ZNF462: variants seen among roughly 807,000 people sequenced by gnomAD.
The protein encoded by ZNF462 is zinc finger protein 462.
In ZNF462, 10 loss-of-function variants were observed where a neutral mutation model predicts 201.9. The observed-to-expected ratio is 0.05, with a 90% CI of 0.03 to 0.08. ZNF462 has a LOEUF of 0.08. Ranked by LOEUF, ZNF462 falls within the 10% of genes least tolerant of loss-of-function variation. The pLI is 1.00. For missense variants in ZNF462, 2,523 were observed against 3,168.3 expected, an observed-to-expected ratio of 0.80 and a Z score of 4.89; for synonymous variants, 1,227 against 1,193.3, an observed-to-expected ratio of 1.03 and a Z score of -0.58.
intron 10 of ZNF462, among the ~76,000 whole-genome samples, chr9:106,991,129 T>C (rs960107960): frequency 6.6e-6 from 1 of 151,992 alleles, no homozygotes; most frequent in Non-Finnish European, 1.5e-5. Flanking sequence ...TTTTTATTTA[T>C]AGACAATTTG....
intron 1 of ZNF462, among the ~76,000 whole-genome samples, chr9:106,881,391 T>A (rs1449461980): frequency 6.6e-6 from 1 of 151,914 alleles, no homozygotes; most frequent in Non-Finnish European, 1.5e-5. Context: ...GACCTCAGAG[T>A]CAGTGAGTAA....
At position 106,924,968 on chromosome 9, in the gene ZNF462, C is replaced by T. The variant is rs78002183; in HGVS notation, c.1056C>T (p.His352=). The change falls in exon 3 of 13, where the codon CAC becomes CAT. Residue 352 remains histidine, a synonymous_variant. Transcript: ENST00000277225. This position sits in a 1 kb window ranked among gnomAD's most constrained non-coding sequence, Gnocchi z 6.2. The stretch of plus-strand genomic sequence containing the variant: ...CTCAGATGAAGCCGAAGTCACCTCA[C>T]AATTCTGGTCTAGTTAACTTGACAG... ...SYPQMKPKSP[H]NSGLVNLTER... is the part of the protein sequence containing the mutation. 207 of 1,614,206 alleles carry T rather than the reference C, an allele frequency of 1.3e-4. No homozygotes were observed. In the African/African-American group the frequency reaches 2.3e-3, roughly 18 times the overall value.
chr9:106,991,839 TACACACACACA>T (rs1828296693), intron 10 of ZNF462, among the ~76,000 whole-genome samples: 2 of 136,258 alleles, frequency 1.5e-5, no homozygotes, highest in African/African-American at 5.7e-5. Flanking sequence ...CAGCACTCTC[TACACACACACA>T]CACACACACA....
chr9:106,903,503 C>G (rs913342094), intron 1 of ZNF462, among the ~76,000 whole-genome samples: 1 of 152,086 alleles, frequency 6.6e-6, no homozygotes, highest in African/African-American at 2.4e-5. Flanking sequence ...TCTTGATGAC[C>G]TGTCTAGTAC....
intron 10 of ZNF462, among the ~76,000 whole-genome samples, chr9:107,001,796 G>A (rs963101053): frequency 7.9e-5 from 12 of 151,780 alleles, no homozygotes; most frequent in Non-Finnish European, 1.5e-4. Context: ...CTTGTTAAGC[G>A]TTGGCATTGT....
intron 7 of ZNF462, among the ~76,000 whole-genome samples, chr9:106,947,038 T>C (rs1360175374): frequency 6.6e-6 from 1 of 152,070 alleles, no homozygotes; most frequent in African/African-American, 2.4e-5. Context: ...AATGGTGAAA[T>C]AGCAAATGGC....
chr9:106,977,923 G>A lies in ZNF462; in HGVS notation c.6832+3650G>A, dbSNP rs376232204. ...CTGAAATCAAGGTGTTGACAGAGCT[G>A]TGTTTCCTCTGAAGGCACAAGAGAA... On this transcript the variant is annotated intron_variant, in intron 9 of 12. Coordinates refer to ENST00000277225, the MANE Select transcript of ZNF462 (RefSeq NM_021224.6). This position sits in a 1 kb window ranked among gnomAD's most constrained non-coding sequence, Gnocchi z 4.6. 9.9e-5 allele frequency among the ~76,000 whole-genome samples: 15 copies of A among 151,744 alleles called. No homozygotes were observed. Among genetic ancestry groups the A allele is most frequent in the East Asian group, 9.7e-4 (5 of 5,180 alleles).
rs1319943624 is a variant in ZNF462 at position 107,003,381 on chromosome 9, G to A, written c.7144G>A (p.Asp2382Asn). The A allele has an allele frequency of 1.2e-6, 2 of 1,613,874 alleles. No homozygotes were observed. Among genetic ancestry groups the A allele is most frequent in the African/African-American group, 1.3e-5 (1 of 75,032 alleles). ...GAAAATGGAGAGCTCCAGCAGCGAT[G>A]ATGAGGACAAGGAAGAAGAAATGAA... Reference protein sequence around the residue: ...KEKMESSSSDDEDKEEEMNSK... With the variant: ...KEKMESSSSDNEDKEEEMNSK... Residue 2382 changes from aspartate to asparagine, a missense_variant, in exon 11 of 13, where the codon GAT becomes AAT. By Grantham distance (23) the Asp-to-Asn change is conservative (BLOSUM62 1). Transcript: ENST00000277225. This position sits in a 1 kb window ranked among gnomAD's most constrained non-coding sequence, Gnocchi z 4.4.
At position 106,923,399 on chromosome 9, in the gene ZNF462, T is replaced by C. The variant is rs768215850; in HGVS notation, c.16T>C (p.Cys6Arg). The C allele has an allele frequency of 6.2e-7, 1 of 1,614,158 alleles. No individual in the cohort carries two copies. Among genetic ancestry groups the C allele is most frequent in the Admixed American group, 1.7e-5 (1 of 60,016 alleles). Residue 6 changes from cysteine to arginine, a missense_variant, in exon 2 of 13, where the codon TGT becomes CGT. By Grantham distance (180) the Cys-to-Arg change is radical (BLOSUM62 -3). This residue lies in a region of ZNF462 where 480 missense variants were observed against 544.4 expected (regional missense o/e 0.88). Transcript: ENST00000277225. This position sits in a 1 kb window ranked among gnomAD's most constrained non-coding sequence, Gnocchi z 5.6. ...GACCCAGATCATGGAGGTGCTTCAG[T>C]GTGATGGCTGTGATTTCCGAGCCCC... MEVLQ[C>R]DGCDFRAPSY...
intron 1 of ZNF462, among the ~76,000 whole-genome samples, chr9:106,908,202 A>G (rs1829355930): frequency 6.6e-6 from 1 of 152,144 alleles, no homozygotes; most frequent in East Asian, 1.9e-4. Context: ...CCAGATATAG[A>G]ATATGAAATG....
In ZNF462 at chr9:106,923,299, C is replaced by T. The variant is rs138299227; in HGVS notation, c.-30-55C>T. ...TAATGGATATATAGCCCCATCAGCT[C>T]GAGGTATGTGATTAGTGCATTCCTT... On this transcript the variant is annotated intron_variant, in intron 1 of 12. Coordinates refer to ENST00000277225, the MANE Select transcript of ZNF462 (RefSeq NM_021224.6). This position sits in a 1 kb window ranked among gnomAD's most constrained non-coding sequence, Gnocchi z 5.6. The T allele has an allele frequency of 1.7e-4, 223 of 1,332,302 alleles. 1 individual carries two copies. The East Asian group carries it at 4.5e-3, about 27-fold the overall frequency. The allele number at this position is 1,332,302 out of a possible 1,614,324, so 82.5% of individuals were successfully genotyped here.
Position 106,915,075 on chromosome 9 carries a change from GT to G in ZNF462, c.-30-8278del, listed in dbSNP as rs543510034. Among the ~76,000 whole-genome samples the G allele has an allele frequency of 6.3e-3, 952 of 152,196 alleles. 7 individuals carry two copies. The highest frequency in any genetic ancestry group is 0.018 in the Admixed American group (276 of 15,290). On this transcript the variant is annotated intron_variant, in intron 1 of 12. Transcript: ENST00000277225. ...CTCTTCATTTAACAAAATGATCAAAGTAAGGGCCTCAAAAGACTTGCTCTCA... is the reference window on the plus strand; with the variant it reads ...CTCTTCATTTAACAAAATGATCAAAGAAGGGCCTCAAAAGACTTGCTCTCA...
intron 1 of ZNF462, among the ~76,000 whole-genome samples, chr9:106,884,280 C>A (rs577473801): frequency 4.7e-4 from 71 of 152,210 alleles, no homozygotes; most frequent in Non-Finnish European, 6.8e-4. Flanking sequence ...GAAGAAGCAG[C>A]CACTGTGCTT....
At chr9:106,896,295 A>G (rs1176873771) in intron 1 of ZNF462, among the ~76,000 whole-genome samples, 1 of 152,202 alleles carries the variant, frequency 6.6e-6, no homozygotes, top group Non-Finnish European at 1.5e-5. Flanking sequence ...GGCATGTGGC[A>G]GCTGGTCAAT....
rs1248366721 is a variant in ZNF462, at chr9:106,885,963, T to G, written c.-31+22608T>G. ...TTTGCTCTTTGGATATTTCCTCATC[T>G]AGATAGACGGGACTTTTTGTTTTCC... is the stretch of plus-strand genomic sequence containing the variant. On this transcript the variant is annotated intron_variant, in intron 1 of 12. Coordinates refer to ENST00000277225, the MANE Select transcript of ZNF462 (RefSeq NM_021224.6). This position sits in a 1 kb window ranked among gnomAD's most constrained non-coding sequence, Gnocchi z 4.1. 6.6e-6 allele frequency among the ~76,000 whole-genome samples: 1 copy of G among 152,228 alleles called. No individual in the cohort carries two copies. Among genetic ancestry groups the G allele is most frequent in the Non-Finnish European group, 1.5e-5 (1 of 68,044 alleles).
Position 106,927,610 on chromosome 9 carries a change from T to C in ZNF462, c.3698T>C (p.Ile1233Thr), listed in dbSNP as rs1830252035. Residue 1233 changes from isoleucine to threonine, a missense_variant, in exon 3 of 13, where the codon ATT becomes ACT. Around this residue, in one of 15 missense-constraint regions of ZNF462, gnomAD observed 222 missense variants for 271.6 expected, o/e 0.82. Transcript: ENST00000277225. ...ADVIRQHTATIRSLCDRNQKK... is the reference protein window; with the variant it reads ...ADVIRQHTATTRSLCDRNQKK... Reference sequence around the variant, plus strand: ...GTGATCCGGCAGCATACGGCCACCATTCGAAGCCTCTGCGACCGAAATCAG... The same window carrying C: ...GTGATCCGGCAGCATACGGCCACCACTCGAAGCCTCTGCGACCGAAATCAG... The C allele has an allele frequency of 6.2e-7, 1 of 1,613,460 alleles. No individual in the cohort carries two copies. The highest frequency in any genetic ancestry group is 1.7e-5 in the Admixed American group (1 of 59,908).
chr9:106,870,497 A>G lies in ZNF462; in HGVS notation c.-31+7142A>G, dbSNP rs993491037. Among the ~76,000 whole-genome samples the G allele has an allele frequency of 2.6e-5, 4 of 152,186 alleles. No homozygotes were observed. Among genetic ancestry groups the G allele is most frequent in the African/African-American group, 9.7e-5 (4 of 41,428 alleles). On this transcript the variant is annotated intron_variant, in intron 1 of 12. Coordinates refer to ENST00000277225, the MANE Select transcript of ZNF462 (RefSeq NM_021224.6). The surrounding 1 kb of genome is among the most constrained non-coding windows in gnomAD (Gnocchi z 4.3). The stretch of plus-strand genomic sequence containing the variant: ...GTGAAAGGAAGTTTGACAGGTACTT[A>G]TTTGTTCAAAAAATAAATACTTGAA...
intron 7 of ZNF462, among the ~76,000 whole-genome samples, chr9:106,948,742 C>T (rs1036397730): frequency 6.6e-6 from 1 of 151,652 alleles, no homozygotes; most frequent in Non-Finnish European, 1.5e-5. Context: ...TATATAGGTT[C>T]CATCACCACA....
At chr9:106,861,418 C>G (rs977128511), upstream of ZNF462, among the ~76,000 whole-genome samples, 11 of 152,186 alleles carry the variant, frequency 7.2e-5, no homozygotes, top group African/African-American at 2.7e-4. Context: ...AGAGGACAGA[C>G]TTGCCCAGGA....
Sources: allele counts gnomAD v4.1 joint callset (sites outside exome capture counted in the v4.1 genomes callset), GRCh38; gene constraint gnomAD v4.1.1; regional missense constraint gnomAD v4.1.1; non-coding constraint Gnocchi (gnomAD v3.1); transcripts MANE v1.5; gene names NCBI Gene and HGNC (gene_info 2026-07-23, HGNC 2026-07-21).